ANKFN1: variants seen among roughly 807,000 people sequenced by gnomAD.
The protein encoded by ANKFN1 is ankyrin repeat and fibronectin type III domain containing 1, also known as ankyrin repeat and fibronectin type-III domain-containing protein 1.
In ANKFN1, 74 loss-of-function variants were observed where a neutral mutation model predicts 108.7. The observed-to-expected ratio is 0.68, with a 90% confidence interval of 0.56 to 0.83. The LOEUF is 0.83. Among genes scored for constraint, ANKFN1 ranks in the 40% least tolerant of loss-of-function variants. The pLI, the probability that ANKFN1 is intolerant of heterozygous loss-of-function variation, is 0.00. For missense variants in ANKFN1, 1,505 were observed against 1,382.3 expected (o/e 1.09, Z -1.41); for synonymous variants, 547 against 516.2 (o/e 1.06, Z -0.81).
intron 19 of ANKFN1, among the ~76,000 whole-genome samples, chr17:56,497,691 T>C (rs2051244822): frequency 1.3e-5 from 2 of 152,154 alleles, no homozygotes; most frequent in African/African-American, 4.8e-5. Context: ...ATACCTTCTA[T>C]CTGGAAGTTA....
At chr17:56,133,928 A>G (rs1381245506) in intron 4 of ANKFN1, among the ~76,000 whole-genome samples, 2 of 152,110 alleles carry the variant, frequency 1.3e-5, no homozygotes, top group African/African-American at 2.4e-5. Flanking sequence ...GACATTACAT[A>G]CCTGCAGATA....
chr17:56,050,164 G>A (rs1463073755), intron 4 of ANKFN1, among the ~76,000 whole-genome samples: 1 of 151,046 alleles, frequency 6.6e-6, no homozygotes, highest in African/African-American at 2.4e-5. Context: ...ATTTTTTCAT[G>A]TGTTTTTTGG....
At position 56,405,239 on chromosome 17, in the gene ANKFN1, A is replaced by G. The variant is rs534930253; in HGVS notation, c.910+30525A>G. Among the ~76,000 whole-genome samples the G allele has an allele frequency of 4.6e-5, 7 of 152,364 alleles. No individual in the cohort carries two copies. In the South Asian group the frequency reaches 1.4e-3, roughly 32 times the overall value. ...AAATATATATGAAAAAATGAGGGAA[A>G]GATTGTTCACAGAGAAGCACAGACA... On this transcript the variant is annotated intron_variant, in intron 8 of 20. Coordinates refer to ENST00000682825, the MANE Select transcript of ANKFN1 (RefSeq NM_001370326.1).
chr17:56,251,215 A>T (rs994371101), intron 3 of ANKFN1, among the ~76,000 whole-genome samples: 2 of 151,964 alleles, frequency 1.3e-5, no homozygotes, highest in Non-Finnish European at 2.9e-5. Context: ...ACATGGTGAA[A>T]CCTCTGTCTC....
At chr17:56,129,135 A>C (rs1017928268) in intron 4 of ANKFN1, among the ~76,000 whole-genome samples, 23 of 152,180 alleles carry the variant, frequency 1.5e-4, no homozygotes, top group African/African-American at 5.6e-4. Context: ...GGTACCTTCT[A>C]TTACTGGCAG....
At chr17:56,080,782 T>A (rs191157985) in intron 4 of ANKFN1, among the ~76,000 whole-genome samples, 10 of 152,354 alleles carry the variant, frequency 6.6e-5, no homozygotes, top group Admixed American at 6.5e-4. Flanking sequence ...TATGTTTTCA[T>A]AGAGACATAG....
At chr17:56,338,367 G>A (rs2045872878) in intron 4 of ANKFN1, among the ~76,000 whole-genome samples, 2 of 151,778 alleles carry the variant, frequency 1.3e-5, no homozygotes, top group Admixed American at 6.6e-5. Flanking sequence ...TGAGTTAATG[G>A]GTGCAGCAAA....
intron 3 of ANKFN1, among the ~76,000 whole-genome samples, chr17:56,288,644 G>T (rs1178106941): frequency 6.6e-6 from 1 of 152,012 alleles, no homozygotes; most frequent in Non-Finnish European, 1.5e-5. Context: ...TACCCTACAA[G>T]AGTCCACATA....
intron 4 of ANKFN1, among the ~76,000 whole-genome samples, chr17:56,145,757 C>G (rs1334725437): frequency 6.6e-6 from 1 of 152,174 alleles, no homozygotes; most frequent in Non-Finnish European, 1.5e-5. Context: ...ATCATGCGTT[C>G]CCAACAGTCC....
At chr17:56,467,119 A>G (rs1051139826) in intron 15 of ANKFN1, among the ~76,000 whole-genome samples, 3 of 152,112 alleles carry the variant, frequency 2.0e-5, no homozygotes, top group African/African-American at 7.2e-5. Flanking sequence ...CTGTCTCAAA[A>G]AGAAAAGAAA....
chr17:56,269,081 A>T (rs1383817808), intron 3 of ANKFN1, among the ~76,000 whole-genome samples: 1 of 151,978 alleles, frequency 6.6e-6, no homozygotes, highest in African/African-American at 2.4e-5. Flanking sequence ...TCCCCATTTG[A>T]CTCAGATTTC....
chr17:56,358,008 A>T (rs1202641103), intron 6 of ANKFN1, among the ~76,000 whole-genome samples: 3 of 152,104 alleles, frequency 2.0e-5, no homozygotes, highest in Non-Finnish European at 4.4e-5. Flanking sequence ...TTGAACCCAG[A>T]TCTGTATTAA....
In ANKFN1 at chr17:56,170,805, T is replaced by TAC. The variant is rs1383558821; in HGVS notation, c.-71+17276_-71+17277insCA. On this transcript the variant is annotated intron_variant, in intron 1 of 20. Transcript: ENST00000682825. ...ATATATATATATATATATATATATATATACACACACACACACACACACACA... is the reference window on the plus strand; with the variant it reads ...ATATATATATATATATATATATATATACATACACACACACACACACACACACA... Among the ~76,000 whole-genome samples, 121 of 72,134 alleles carry TAC rather than the reference T, an allele frequency of 1.7e-3. 1 individual carries two copies. The highest frequency in any genetic ancestry group is 2.5e-3 in the Non-Finnish European group (93 of 37,612). The allele number at this position is 72,134 out of a possible 152,430, so 47.3% of individuals were successfully genotyped here.
At position 56,510,881 on chromosome 17, in the gene ANKFN1, T is replaced by G; in HGVS notation, c.3053T>G (p.Leu1018Trp). Reference protein sequence around the residue: ...YGGFSRHHRWLRIHSETQSLS... With the variant: ...YGGFSRHHRWWRIHSETQSLS... ...GGCTTCAGCCGCCATCATCGCTGGT[T>G]GCGCATCCACAGCGAGACCCAGTCG... Residue 1018 changes from leucine (L) to tryptophan (W), a missense_variant, in exon 21 of 21, where the codon TTG (leucine) becomes TGG (tryptophan). Leu to Trp is a moderately conservative substitution (Grantham distance 61). Transcript: ENST00000682825. 1 of 1,536,164 alleles carries G rather than the reference T, an allele frequency of 6.5e-7. No homozygotes were observed. The highest frequency in any genetic ancestry group is 8.7e-7 in the Non-Finnish European group (1 of 1,146,912).
intron 6 of ANKFN1, among the ~76,000 whole-genome samples, chr17:56,370,613 G>T (rs147315137): frequency 6.6e-6 from 1 of 152,126 alleles, no homozygotes; most frequent in Non-Finnish European, 1.5e-5. Flanking sequence ...GAAGAAGGAG[G>T]GGGGAGTGGG....
At chr17:56,132,759 T>C (rs565196679) in intron 4 of ANKFN1, among the ~76,000 whole-genome samples, 3 of 152,280 alleles carry the variant, frequency 2.0e-5, no homozygotes, top group South Asian at 2.1e-4. Context: ...CTTCTGGCCA[T>C]GTCCTCACAT....
At chr17:56,468,847 G>A (rs1441147252) in intron 15 of ANKFN1, among the ~76,000 whole-genome samples, 1 of 152,136 alleles carries the variant, frequency 6.6e-6, no homozygotes, top group Middle Eastern at 3.2e-3. Context: ...GGAGGTGGGG[G>A]CAGGGAACAC....
At chr17:56,139,726 C>T (rs1428858035) in intron 4 of ANKFN1, among the ~76,000 whole-genome samples, 1 of 152,136 alleles carries the variant, frequency 6.6e-6, no homozygotes, top group Non-Finnish European at 1.5e-5. Flanking sequence ...TTTTCTGGCC[C>T]TTAAATGCTG....
intron 10 of ANKFN1, among the ~76,000 whole-genome samples, chr17:56,447,090 G>T (rs1298775843): frequency 6.6e-6 from 1 of 152,048 alleles, no homozygotes; most frequent in Non-Finnish European, 1.5e-5. Context: ...AGGCCTGCTG[G>T]CACACACCTG....
Sources: allele counts gnomAD v4.1 joint callset (sites outside exome capture counted in the v4.1 genomes callset), GRCh38; gene constraint gnomAD v4.1.1; transcripts MANE v1.5; gene names NCBI Gene and HGNC (gene_info 2026-07-23, HGNC 2026-07-21).